The following PLXNA1 variants were observed in gnomAD, a reference collection of about 807,000 sequenced individuals.
The protein encoded by PLXNA1 is plexin A1, also known as plexin-A1.
A neutral mutation model predicts 191.7 loss-of-function variants in PLXNA1; 77 were observed. The observed-to-expected ratio is 0.40, with a 90% CI of 0.33 to 0.49. The LOEUF (loss-of-function observed/expected upper bound fraction) is 0.49. Among genes scored for constraint, PLXNA1 ranks in the 20% least tolerant of loss-of-function variants. The pLI is 0.63. For synonymous variants in PLXNA1, 1,137 were observed against 1,156.4 expected, an observed-to-expected ratio of 0.98 and a Z score of 0.34; for missense variants, 2,110 against 2,660.2, an observed-to-expected ratio of 0.79 and a Z score of 4.55.
chr3:127,000,814 C>T (rs951142091), intron 3 of PLXNA1, among the ~76,000 whole-genome samples: 1 of 152,216 alleles, frequency 6.6e-6, no homozygotes, highest in Non-Finnish European at 1.5e-5. Flanking sequence ...ACCGTGGCGC[C>T]TCAGTGAACA....
chr3:127,028,283 G>A lies in PLXNA1; in HGVS notation c.4612G>A (p.Ala1538Thr), dbSNP rs758968362. The A allele has an allele frequency of 4.3e-6, 7 of 1,612,790 alleles. No individual in the cohort carries two copies. Among genetic ancestry groups the A allele is most frequent in the Admixed American group, 1.7e-5 (1 of 60,028 alleles). Reference sequence around the variant, plus strand: ...CCAGGCCAAGGAGAAGCTGCTGGACGCTGCCTACAAGGGCGTGCCCTACTC... The same window carrying A: ...CCAGGCCAAGGAGAAGCTGCTGGACACTGCCTACAAGGGCGTGCCCTACTC... ...VTQAKEKLLD[A>T]AYKGVPYSQR... Residue 1538 changes from alanine (A) to threonine (T), a missense_variant, in exon 25 of 32, where the codon GCT (alanine) becomes ACT (threonine). Ala to Thr is a moderately conservative substitution (Grantham distance 58, BLOSUM62 0). This residue lies in a region of PLXNA1 where 559 missense variants were observed against 911.5 expected (regional missense o/e 0.61). Coordinates refer to ENST00000393409, the MANE Select transcript of PLXNA1 (RefSeq NM_032242.4).
At chr3:127,029,785 G>A in intron 27 of PLXNA1, 89 bp from the exon 28 acceptor site, 2 of 1,405,490 alleles carry the variant, frequency 1.4e-6, no homozygotes, top group Non-Finnish European at 9.5e-7. Flanking sequence ...GGGTGGGGGT[G>A]CCATCCCCAG....
rs765729294 is a variant in PLXNA1 at position 126,991,539 on chromosome 3, C to T, written c.1350C>T (p.Ala450=). The change falls in exon 3 of 32, where the codon GCC becomes GCT. Residue 450 remains alanine, a synonymous_variant. Transcript: ENST00000393409. ...YDYRGRTVVF[A]GTRSGRIRKI... is the part of the protein sequence containing the mutation. ...ATCGGGGCCGCACTGTGGTATTCGC[C>T]GGCACGCGAAGTGGCCGCATCCGCA... 3.0e-5 allele frequency: 48 copies of T among 1,591,530 alleles called. No individual in the cohort carries two copies. The highest frequency in any genetic ancestry group is 1.1e-4 in the South Asian group (10 of 89,394).
intron 25 of PLXNA1, 56 bp downstream of exon 25, chr3:127,028,396 C>T: frequency 6.4e-6 from 10 of 1,556,840 alleles, no homozygotes; most frequent in Non-Finnish European, 8.7e-6. Context: ...AGGGGCAGGG[C>T]CATGGCCTAG....
rs1041941845 is a variant in PLXNA1 at position 127,020,584 on chromosome 3, C to T, written c.4038+240C>T. On this transcript the variant is annotated intron_variant, in intron 21 of 31. Coordinates refer to ENST00000393409, the MANE Select transcript of PLXNA1 (RefSeq NM_032242.4). ...GGTTGGGGCAGGGGAATGGCCAGCACGGCTCTGCTCCATAAAGTACCTCCA... is the reference window on the plus strand; with the variant it reads ...GGTTGGGGCAGGGGAATGGCCAGCATGGCTCTGCTCCATAAAGTACCTCCA... Among the ~76,000 whole-genome samples, 16 of 152,298 alleles carry T rather than the reference C, an allele frequency of 1.1e-4. 1 individual carries two copies. Among genetic ancestry groups the T allele is most frequent in the Middle Eastern group, 6.8e-3 (2 of 294 alleles).
At chr3:127,005,341 G>A in intron 7 of PLXNA1, 98 bp downstream of exon 7, 1 of 1,416,340 alleles carries the variant, frequency 7.1e-7, no homozygotes, top group Non-Finnish European at 9.4e-7. Context: ...CAGTTCCAAG[G>A]GCATGTTGGT....
intron 1 of PLXNA1, among the ~76,000 whole-genome samples, chr3:126,984,638 C>G (rs937311142): frequency 6.9e-6 from 1 of 145,626 alleles, no homozygotes; most frequent in South Asian, 2.2e-4. Context: ...GCCAGTGGGG[C>G]CCAGGAAGGG....
chr3:126,991,617 G>A, intron 3 of PLXNA1, 51 bp downstream of exon 3: 1 of 1,501,050 alleles, frequency 6.7e-7, no homozygotes, highest in Non-Finnish European at 8.9e-7. Context: ...CAGGAACAAA[G>A]GCTTGCGGCC....
intron 26 of PLXNA1, 136 bp downstream of exon 26, chr3:127,029,232 T>A: frequency 1.2e-6 from 1 of 823,482 alleles, no homozygotes; most frequent in Non-Finnish European, 2.0e-6. Context: ...TGGTCACTTA[T>A]GTGTGTGGAC....
intron 9 of PLXNA1, among the ~76,000 whole-genome samples, chr3:127,010,024 G>C (rs984928996): frequency 6.6e-6 from 1 of 152,244 alleles, no homozygotes; most frequent in Admixed American, 6.5e-5. Flanking sequence ...ATCTGAGCAA[G>C]TCTATAGACT....
intron 21 of PLXNA1, among the ~76,000 whole-genome samples, chr3:127,021,001 C>T (rs1250000400): frequency 6.6e-6 from 1 of 152,258 alleles, no homozygotes; most frequent in South Asian, 2.1e-4. Context: ...AGGCTAGGAG[C>T]CAGTCCTTGG....
intron 9 of PLXNA1, among the ~76,000 whole-genome samples, chr3:127,008,214 G>A (rs986823847): frequency 6.6e-6 from 1 of 152,172 alleles, no homozygotes; most frequent in Non-Finnish European, 1.5e-5. Context: ...CTGTCCCTGG[G>A]CCTCTGTGTG....
chr3:127,019,811 G>C (rs1447038427), intron 20 of PLXNA1, among the ~76,000 whole-genome samples: 1 of 152,190 alleles, frequency 6.6e-6, no homozygotes, highest in Admixed American at 6.5e-5. Context: ...CAATGGTGTG[G>C]GGGCTTGGGG....
At chr3:126,995,860 A>G (rs1041234177) in intron 3 of PLXNA1, among the ~76,000 whole-genome samples, 7 of 152,182 alleles carry the variant, frequency 4.6e-5, no homozygotes, top group Admixed American at 2.0e-4. Flanking sequence ...GCATCTGGGC[A>G]TACCCCAGGG....
chr3:127,029,653 G>T lies in PLXNA1; in HGVS notation c.4870+117G>T. On this transcript the variant is annotated intron_variant, in intron 27 of 31. Coordinates refer to ENST00000393409, the MANE Select transcript of PLXNA1 (RefSeq NM_032242.4). ...GGGAGGACCCAGGGGCAGGTGTCAA[G>T]CCTGTCACTCGCACTCTTGGCCTTA... 5.0e-6 allele frequency: 6 copies of T among 1,201,970 alleles called. 1 individual carries two copies. In the South Asian group the frequency reaches 7.7e-5, roughly 16 times the overall value. 74.5% of individuals were successfully genotyped at this position (1,201,970 alleles called of 1,614,324 possible).
intron 23 of PLXNA1, among the ~76,000 whole-genome samples, chr3:127,023,930 T>G (rs889740132): frequency 4.4e-4 from 67 of 152,190 alleles, no homozygotes; most frequent in Middle Eastern, 3.4e-3. Flanking sequence ...GGCTTGTCTG[T>G]CCTGGGTCGT....
chr3:127,016,823 C>A, intron 16 of PLXNA1, 121 bp from the exon 17 acceptor site: 1 of 1,385,158 alleles, frequency 7.2e-7, no homozygotes, highest in Non-Finnish European at 1.0e-6. Flanking sequence ...TTGCCAAGAG[C>A]TTTTACCTGT....
rs559432795 is a variant in PLXNA1 at position 127,004,314 on chromosome 3, G to T, written c.1519-297G>T. Among the ~76,000 whole-genome samples the T allele has an allele frequency of 6.6e-5, 10 of 152,362 alleles. No homozygotes were observed. The South Asian group carries it at 1.9e-3, about 28-fold the overall frequency. On this transcript the variant is annotated intron_variant, in intron 4 of 31. Transcript: ENST00000393409. ...GATCGCTGGGGAAGCTCAGAGCTGG[G>T]AGGGAGTCCAGACAGATGGAGAGGA...
intron 1 of PLXNA1, among the ~76,000 whole-genome samples, chr3:126,987,667 T>A (rs1290529358): frequency 6.6e-6 from 1 of 152,064 alleles, no homozygotes; most frequent in Non-Finnish European, 1.5e-5. Context: ...GAGGAATTCC[T>A]CTTTCCTTGG....
Sources: allele counts gnomAD v4.1 joint callset (sites outside exome capture counted in the v4.1 genomes callset), GRCh38; gene constraint gnomAD v4.1.1; regional missense constraint gnomAD v4.1.1; transcripts MANE v1.5; gene names NCBI Gene and HGNC (gene_info 2026-07-23, HGNC 2026-07-21).